FREM3: variants seen among roughly 807,000 people sequenced by gnomAD.
The protein encoded by FREM3 is FRAS1 related extracellular matrix 3.
FREM3 carries 105 observed loss-of-function variants against 129.1 expected under a neutral mutation model. That is an observed-to-expected ratio of 0.81 (90% CI 0.69 to 0.96). The LOEUF (loss-of-function observed/expected upper bound fraction) is 0.96, where lower values mean the gene tolerates loss of function less well. Among genes scored for constraint, FREM3 ranks in the 40% least tolerant of loss-of-function variants. The pLI, the probability that FREM3 is intolerant of heterozygous loss-of-function variation, is 0.00. For missense variants in FREM3, 2,593 were observed against 2,666.3 expected, an observed-to-expected ratio of 0.97 and a Z score of 0.61; for synonymous variants, 1,014 against 1,044.9, an observed-to-expected ratio of 0.97 and a Z score of 0.57.
chr4:143,608,793 C>T (rs1738706951), intron 6 of FREM3, among the ~76,000 whole-genome samples: 1 of 152,120 alleles, frequency 6.6e-6, no homozygotes. Flanking sequence ...ATGAGTCAAA[C>T]AGGGTTAGGC....
chr4:143,597,733 C>G (rs1325246569), intron 6 of FREM3, among the ~76,000 whole-genome samples: 1 of 152,160 alleles, frequency 6.6e-6, no homozygotes, highest in Non-Finnish European at 1.5e-5. Flanking sequence ...GACTTGTACA[C>G]TGCACTGAAA....
At chr4:143,665,449 G>A (rs1339223164) in intron 2 of FREM3, among the ~76,000 whole-genome samples, 4 of 152,006 alleles carry the variant, frequency 2.6e-5, no homozygotes, top group African/African-American at 9.7e-5. Flanking sequence ...GCATATAGGA[G>A]GTACTTAATA....
chr4:143,625,834 C>T (rs189090293), intron 3 of FREM3, among the ~76,000 whole-genome samples: 238 of 152,288 alleles, frequency 1.6e-3, no homozygotes, highest in Non-Finnish European at 2.9e-3. Context: ...ATGAGTGCCA[C>T]AGAATGGTAT....
rs72938301 is a variant in FREM3 at position 143,611,540 on chromosome 4, G to A, written c.5780-13C>T. On this transcript the variant is annotated splice_polypyrimidine_tract_variant and intron_variant, in intron 5 of 7. Transcript: ENST00000329798. ...CCTGTGGCAGAACCTACAGAAATAT[G>A]AGAAGGAACAGGGAGGTTAAGAAGA... is the stretch of plus-strand genomic sequence containing the variant. 0.026 allele frequency: 39,250 copies of A among 1,535,626 alleles called. 5,531 individuals are homozygous for A. In the African/African-American group the frequency reaches 0.38, roughly 15 times the overall value.
At chr4:143,615,518 C>G (rs370224095) in intron 5 of FREM3, among the ~76,000 whole-genome samples, 1 of 152,036 alleles carries the variant, frequency 6.6e-6, no homozygotes, top group East Asian at 1.9e-4. Flanking sequence ...AGGAGGGTAG[C>G]AAAGGCTCGG....
intron 2 of FREM3, among the ~76,000 whole-genome samples, chr4:143,636,136 C>T (rs1403597690): frequency 6.7e-6 from 1 of 149,772 alleles, no homozygotes; most frequent in Non-Finnish European, 1.5e-5. Context: ...TTCTTCACAT[C>T]ATAAAACAGT....
chr4:143,669,719 C>T (rs112943406), intron 2 of FREM3, among the ~76,000 whole-genome samples: 3 of 150,322 alleles, frequency 2.0e-5, no homozygotes, highest in Non-Finnish European at 4.4e-5. Flanking sequence ...TGTATACAAA[C>T]ATCAGCTTCC....
rs878960888 is a variant in FREM3, at chr4:143,697,984, C to T, written c.2692G>A (p.Gly898Arg). Residue 898 changes from glycine to arginine, a missense_variant, in exon 1 of 8, where the codon GGG becomes AGG. Gly to Arg is a moderately radical substitution (Grantham distance 125). Coordinates refer to ENST00000329798, the MANE Select transcript of FREM3 (RefSeq NM_001168235.2). ...CTGCCATGCTGGTAAGAGACACTCC[C>T]GTTAATAACATCAGCTTGCATGAAA... ...ESFMQADVIN[G>R]SVSYQHGRDQ... The T allele has an allele frequency of 4.4e-5, 68 of 1,537,362 alleles. No homozygotes were observed. The highest frequency in any genetic ancestry group is 1.5e-4 in the East Asian group (6 of 40,932).
Position 143,577,786 on chromosome 4 carries a change from A to C in FREM3, c.6245T>G (p.Phe2082Cys). The change falls in exon 8 of 8, where the codon TTC (phenylalanine) becomes TGC (cysteine). Residue 2082 changes from phenylalanine (F) to cysteine (C), a missense_variant. Physicochemically the swap from Phe to Cys is radical, Grantham distance 205. Coordinates refer to ENST00000329798, the MANE Select transcript of FREM3 (RefSeq NM_001168235.2). ...CAGGTCATCAAGGATGGTCACTTGG[A>C]ATGTCTGCATGCGCACGCCTGGAGC... ...DFAPGVRMQT[F>C]QVTILDDLGQ... 1.3e-6 allele frequency: 2 copies of C among 1,537,296 alleles called. No individual in the cohort carries two copies. The highest frequency in any genetic ancestry group is 1.7e-6 in the Non-Finnish European group (2 of 1,146,918).
Position 143,696,302 on chromosome 4 carries a change from A to G in FREM3, c.4374T>C (p.Asp1458=), listed in dbSNP as rs1740567172. Residue 1458 remains aspartate (D), a synonymous_variant, in exon 1 of 8, where the codon GAT becomes GAC. Transcript: ENST00000329798. ...CCCGTGTAATGCTAAAGTGATGTTC[A>G]TCAGAGCTGTTGATGTCACTGTTGG... ...LLTNSDINSS[D]EHHFSITRAP... 2.0e-6 allele frequency: 3 copies of G among 1,537,572 alleles called. No homozygotes were observed. Among genetic ancestry groups the G allele is most frequent in the African/African-American group, 2.7e-5 (2 of 73,170 alleles).
chr4:143,697,914 T>A lies in FREM3; in HGVS notation c.2762A>T (p.Asp921Val), dbSNP rs1201896487. 1 of 1,537,894 alleles carries A rather than the reference T, an allele frequency of 6.5e-7. No homozygotes were observed. The highest frequency in any genetic ancestry group is 2.4e-5 in the East Asian group (1 of 40,918). ...GGTGATGGGTATATGGTGCACCCCA[T>A]CACTTACTTCCAGATGGAAAGTGTC... ...TSDTFHLEVSDGVHHIPITIP... is the reference protein window; with the variant it reads ...TSDTFHLEVSVGVHHIPITIP... Residue 921 changes from aspartate (D) to valine (V), a missense_variant, in exon 1 of 8, where the codon GAT becomes GTT. Coordinates refer to ENST00000329798, the MANE Select transcript of FREM3 (RefSeq NM_001168235.2).
At chr4:143,593,314 A>G (rs1486520827) in intron 6 of FREM3, among the ~76,000 whole-genome samples, 1 of 151,976 alleles carries the variant, frequency 6.6e-6, no homozygotes, top group African/African-American at 2.4e-5. Flanking sequence ...AGGTGCTCTG[A>G]TTTTTAGAGT....
chr4:143,673,909 T>C (rs1029161841), intron 2 of FREM3, among the ~76,000 whole-genome samples: 3 of 152,230 alleles, frequency 2.0e-5, no homozygotes, highest in Non-Finnish European at 2.9e-5. Flanking sequence ...GGATATAATC[T>C]CCTGGTGTGC....
intron 2 of FREM3, among the ~76,000 whole-genome samples, chr4:143,689,669 G>GAT (rs530574445): frequency 0.031 from 4,736 of 150,910 alleles, 122 homozygotes; most frequent in African/African-American, 0.068. Flanking sequence ...AAGAAACTGT[G>GAT]ATATATATAT....
In FREM3 at chr4:143,589,769, T is replaced by G. The variant is rs140397668; in HGVS notation, c.6029-3776A>C. Among the ~76,000 whole-genome samples, 1,468 of 152,320 alleles carry G rather than the reference T, an allele frequency of 9.6e-3. 27 individuals carry two copies. Among genetic ancestry groups the G allele is most frequent in the African/African-American group, 0.034 (1,417 of 41,548 alleles). On this transcript the variant is annotated intron_variant, in intron 6 of 7. Coordinates refer to ENST00000329798, the MANE Select transcript of FREM3 (RefSeq NM_001168235.2). ...GAACTTTAAAGTAGTTTTTTCGAAT[T>G]CTGTGAAGAAAGTCATTGGTGTCTT... is the stretch of plus-strand genomic sequence containing the variant.
At position 143,693,159 on chromosome 4, in the gene FREM3, G is replaced by A. The variant is rs1227534175; in HGVS notation, c.5229C>T (p.Gly1743=). 6.6e-7 allele frequency: 1 copy of A among 1,521,500 alleles called. No individual in the cohort carries two copies. The highest frequency in any genetic ancestry group is 2.5e-5 in the East Asian group (1 of 40,438). 94.2% of individuals were successfully genotyped at this position (1,521,500 alleles called of 1,614,324 possible). ...AGAAGATGTCCTTTGATGCGTTGCT[G>A]CCCTCATTCAAGACATAGGATATCT... is the stretch of plus-strand genomic sequence containing the variant. ...EMKISYVLNE[G]SNASKDIFYF... is the part of the protein sequence containing the mutation. Residue 1743 remains glycine, a synonymous_variant, in exon 2 of 8, where the codon GGC becomes GGT. Coordinates refer to ENST00000329798, the MANE Select transcript of FREM3 (RefSeq NM_001168235.2).
chr4:143,685,101 T>G (rs1740335637), intron 2 of FREM3, among the ~76,000 whole-genome samples: 1 of 152,138 alleles, frequency 6.6e-6, no homozygotes, highest in Non-Finnish European at 1.5e-5. Flanking sequence ...CAAGGAAAAC[T>G]TCCCCAGCCT....
At chr4:143,666,460 T>C (rs1739862038) in intron 2 of FREM3, among the ~76,000 whole-genome samples, 1 of 152,046 alleles carries the variant, frequency 6.6e-6, no homozygotes, top group Admixed American at 6.6e-5. Context: ...TTTTTCACAA[T>C]AGCCAAAAGG....
chr4:143,669,236 G>A (rs1359381847), intron 2 of FREM3, among the ~76,000 whole-genome samples: 1 of 152,144 alleles, frequency 6.6e-6, no homozygotes. Flanking sequence ...GAACTAGGGT[G>A]CGTTATGAAT....
Sources: allele counts gnomAD v4.1 joint callset (sites outside exome capture counted in the v4.1 genomes callset), GRCh38; gene constraint gnomAD v4.1.1; transcripts MANE v1.5; gene names NCBI Gene and HGNC (gene_info 2026-07-23, HGNC 2026-07-21).